The following ATE1 variants were observed in gnomAD, a reference collection of about 807,000 sequenced individuals.
ATE1 encodes arginyltransferase 1.
Under a neutral mutation model 70.5 loss-of-function variants are expected in ATE1, and 36 were observed. The ratio of observed to expected loss-of-function variants is 0.51; its 90% CI spans 0.39 to 0.67. The LOEUF is 0.67. ATE1 is among the 30% of genes least tolerant of loss of function. ATE1 has a pLI of 0.00. For missense variants in ATE1, 593 were observed against 629.5 expected (o/e 0.94, Z 0.62); for synonymous variants, 232 against 219.3 (o/e 1.06, Z -0.51).
At chr10:121,753,578 A>G (rs987301175) in intron 11 of ATE1, among the ~76,000 whole-genome samples, 2 of 152,338 alleles carry the variant, frequency 1.3e-5, no homozygotes, top group East Asian at 3.9e-4. Flanking sequence ...ATACAAAAAA[A>G]TCACATCAAC....
At chr10:121,828,636 C>T (rs985400780) in intron 10 of ATE1, among the ~76,000 whole-genome samples, 1 of 152,176 alleles carries the variant, frequency 6.6e-6, no homozygotes, top group African/African-American at 2.4e-5. Context: ...CCAGGTCAGT[C>T]CAATCTAGGA....
intron 11 of ATE1, among the ~76,000 whole-genome samples, chr10:121,774,191 T>C (rs1159853903): frequency 2.6e-5 from 4 of 152,208 alleles, no homozygotes; most frequent in African/African-American, 7.2e-5. Context: ...GGATGTTTTT[T>C]AAAAAGAGAC....
intron 10 of ATE1, among the ~76,000 whole-genome samples, chr10:121,828,449 T>C (rs1948111354): frequency 6.6e-6 from 1 of 152,218 alleles, no homozygotes; most frequent in Non-Finnish European, 1.5e-5. Context: ...TGCATTCAGC[T>C]TGAGTGGAGC....
At chr10:121,776,943 T>C (rs996651338) in intron 11 of ATE1, among the ~76,000 whole-genome samples, 2 of 152,202 alleles carry the variant, frequency 1.3e-5, no homozygotes, top group African/African-American at 4.8e-5. Flanking sequence ...AGCACAGTTA[T>C]GGAAAACAGG....
At chr10:121,828,714 G>A (rs565412922) in intron 10 of ATE1, among the ~76,000 whole-genome samples, 34 of 152,240 alleles carry the variant, frequency 2.2e-4, no homozygotes, top group South Asian at 8.3e-4. Context: ...AAGCCCTGAC[G>A]GTGGACAGCT....
At chr10:121,762,452 C>T (rs1223836804) in intron 11 of ATE1, among the ~76,000 whole-genome samples, 1 of 152,158 alleles carries the variant, frequency 6.6e-6, no homozygotes, top group Non-Finnish European at 1.5e-5. Flanking sequence ...TTACACTGGC[C>T]GCTTCACTGT....
chr10:121,787,530 A>C (rs1356297451), intron 11 of ATE1, among the ~76,000 whole-genome samples: 2 of 152,240 alleles, frequency 1.3e-5, no homozygotes, highest in African/African-American at 2.4e-5. Flanking sequence ...TATTCTCTTG[A>C]AAGTTCCACA....
In ATE1 at chr10:121,883,966, G is replaced by A. The variant is rs546235209; in HGVS notation, c.943-13928C>T. On this transcript the variant is annotated intron_variant, in intron 7 of 11. Transcript: ENST00000224652. ...CCAAAAATACAAAAATTAGCCGGGCGGTAGTGGCGAGCACCTGTAATCCCA... is the reference window on the plus strand; with the variant it reads ...CCAAAAATACAAAAATTAGCCGGGCAGTAGTGGCGAGCACCTGTAATCCCA... 4.0e-5 allele frequency among the ~76,000 whole-genome samples: 6 copies of A among 151,774 alleles called. No homozygotes were observed. The East Asian group carries it at 7.8e-4, about 20-fold the overall frequency.
intron 8 of ATE1, 82 bp from the exon 9 acceptor site, chr10:121,841,345 A>G: frequency 1.0e-6 from 1 of 997,262 alleles, no homozygotes; most frequent in Non-Finnish European, 1.3e-6. Flanking sequence ...CATTTTCCTC[A>G]GGTTAATAAG....
intron 8 of ATE1, among the ~76,000 whole-genome samples, chr10:121,869,206 A>G (rs1392595784): frequency 1.3e-5 from 2 of 152,216 alleles, no homozygotes; most frequent in Non-Finnish European, 2.9e-5. Flanking sequence ...AAAGATAACA[A>G]AAATGAGGCT....
intron 11 of ATE1, among the ~76,000 whole-genome samples, chr10:121,777,472 A>G (rs1204606707): frequency 6.7e-6 from 1 of 148,560 alleles, no homozygotes; most frequent in African/African-American, 2.6e-5. Context: ...AAAAGGAATC[A>G]AGGACAGACC....
intron 8 of ATE1, among the ~76,000 whole-genome samples, chr10:121,850,052 T>C (rs1404074250): frequency 2.0e-5 from 3 of 152,180 alleles, no homozygotes; most frequent in Non-Finnish European, 4.4e-5. Context: ...AAGATTTATC[T>C]ATAAGAGTGG....
At chr10:121,752,981 G>A (rs1350408946) in intron 11 of ATE1, among the ~76,000 whole-genome samples, 2 of 152,152 alleles carry the variant, frequency 1.3e-5, no homozygotes, top group Admixed American at 1.3e-4. Context: ...ATGGACATGG[G>A]ATGTTTTCTT....
At chr10:121,838,607 C>T (rs1948517248) in intron 9 of ATE1, among the ~76,000 whole-genome samples, 1 of 152,118 alleles carries the variant, frequency 6.6e-6, no homozygotes, top group African/African-American at 2.4e-5. Context: ...GGCTTCATGC[C>T]CACCACCTCT....
intron 10 of ATE1, among the ~76,000 whole-genome samples, chr10:121,827,313 AT>A (rs969533703): frequency 3.9e-5 from 6 of 152,060 alleles, no homozygotes; most frequent in African/African-American, 1.4e-4. Context: ...TGCCCAGCAA[AT>A]TTTTTTTAAA....
intron 11 of ATE1, among the ~76,000 whole-genome samples, chr10:121,777,328 T>C (rs1945789330): frequency 1.3e-5 from 2 of 152,206 alleles, no homozygotes; most frequent in African/African-American, 4.8e-5. Flanking sequence ...AAGCTGTAAA[T>C]GAATAATCAG....
Position 121,743,537 on chromosome 10 carries a change from A to G in ATE1, c.*143T>C. ...ATTCTCACAGATACATTGCCACAAA[A>G]TATTTTTTAAAAGCCATAGATAGTC... On this transcript the variant is annotated 3_prime_UTR_variant, in exon 12 of 12. Coordinates refer to ENST00000224652, the MANE Select transcript of ATE1 (RefSeq NM_001001976.3). The G allele has an allele frequency of 1.5e-6, 2 of 1,334,962 alleles. No individual in the cohort carries two copies. Among genetic ancestry groups the G allele is most frequent in the South Asian group, 2.3e-5 (1 of 44,188 alleles). 82.7% of individuals were successfully genotyped at this position (1,334,962 alleles called of 1,614,324 possible). A position where few individuals can be genotyped will look rare whatever the true frequency, so the allele number is the denominator to read the frequency against.
At chr10:121,817,668 G>C (rs928845898) in intron 10 of ATE1, among the ~76,000 whole-genome samples, 1 of 152,130 alleles carries the variant, frequency 6.6e-6, no homozygotes, top group African/African-American at 2.4e-5. Flanking sequence ...AGCTGCAATG[G>C]AAACAGTATC....
chr10:121,740,631 C>T lies in ATE1; in HGVS notation c.*3049G>A, dbSNP rs368046373. ...TCTACTTCATTTTTCAAGTTAGCAA[C>T]GACAGATACATTTTAGTTAACTGTT... On this transcript the variant is annotated 3_prime_UTR_variant, in exon 12 of 12. Transcript: ENST00000224652. The T allele has an allele frequency of 1.1e-4, 17 of 152,240 alleles. No homozygotes were observed. The highest frequency in any genetic ancestry group is 8.3e-4 in the South Asian group (4 of 4,824). The allele number at this position is 152,240 out of a possible 1,614,324, so 9.4% of individuals were successfully genotyped here.
Sources: gnomAD v4.1 joint callset for allele counts (sites outside exome capture counted in the v4.1 genomes callset) on GRCh38, gnomAD v4.1.1 for gene constraint, MANE v1.5 for transcripts, NCBI Gene and HGNC (gene_info 2026-07-23, HGNC 2026-07-21) for gene names.